Variants in MPZL1 observed in about 807,000 individuals in gnomAD.
MPZL1 encodes myelin protein zero like 1.
Under a neutral mutation model 29.3 loss-of-function variants are expected in MPZL1, and 16 were observed. The ratio of observed to expected loss-of-function variants is 0.55; its 90% CI spans 0.37 to 0.83. The LOEUF is 0.83. Among genes scored for constraint, MPZL1 ranks in the 40% least tolerant of loss-of-function variants. The probability of loss-of-function intolerance (pLI) is 0.00; values close to 1 mark genes in which losing one functional copy is unlikely to be tolerated. For missense variants in MPZL1, 279 were observed against 332.9 expected, an observed-to-expected ratio of 0.84 and a Z score of 1.26; for synonymous variants, 143 against 132.0, an observed-to-expected ratio of 1.08 and a Z score of -0.57.
chr1:167,739,310 C>CATATATATATATATATATAT (rs68082264), intron 1 of MPZL1, among the ~76,000 whole-genome samples: 2 of 101,360 alleles, frequency 2.0e-5, no homozygotes, highest in African/African-American at 1.0e-4. Flanking sequence ...TATATATATA[C>CATATATATATATATATATAT]ACATATATAT....
chr1:167,780,549 G>T (rs1174504951), intron 5 of MPZL1, among the ~76,000 whole-genome samples: 1 of 152,080 alleles, frequency 6.6e-6, no homozygotes, highest in Admixed American at 6.5e-5. Context: ...ATACACAATG[G>T]AATATTATTC....
intron 5 of MPZL1, among the ~76,000 whole-genome samples, chr1:167,785,755 G>A (rs1158460042): frequency 6.6e-6 from 1 of 152,162 alleles, no homozygotes; most frequent in Admixed American, 6.5e-5. Flanking sequence ...CTGTTACCAG[G>A]GAACAGTTAG....
chr1:167,777,647 T>G (rs554626877), intron 5 of MPZL1, among the ~76,000 whole-genome samples: 1 of 152,272 alleles, frequency 6.6e-6, no homozygotes, highest in Non-Finnish European at 1.5e-5. Context: ...CTTTGTCTGA[T>G]TACAGAGTTG....
chr1:167,739,280 T>TACATATATATATATATATATATATATAC, intron 1 of MPZL1, among the ~76,000 whole-genome samples: 1 of 92,522 alleles, frequency 1.1e-5, no homozygotes, highest in East Asian at 2.5e-4. Context: ...TATACATATA[T>TACATATATATATATATATATATATATAC]ACATATATAT....
intron 1 of MPZL1, among the ~76,000 whole-genome samples, chr1:167,758,771 C>T (rs57021150): frequency 0.014 from 2,150 of 152,156 alleles, 64 homozygotes; most frequent in African/African-American, 0.049. Context: ...TTTTAGAAAC[C>T]TTATTCTCCA....
chr1:167,782,022 T>C (rs1166344439), intron 5 of MPZL1, among the ~76,000 whole-genome samples: 8 of 152,284 alleles, frequency 5.3e-5, no homozygotes. Context: ...ATACTTTCTC[T>C]ATGCTCTAAG....
chr1:167,754,552 T>C (rs1268724206), intron 1 of MPZL1, among the ~76,000 whole-genome samples: 2 of 152,180 alleles, frequency 1.3e-5, no homozygotes, highest in African/African-American at 4.8e-5. Context: ...AGAAGCTGAG[T>C]AGAGCACTGC....
intron 1 of MPZL1, among the ~76,000 whole-genome samples, chr1:167,751,670 CAA>C (rs397970508): frequency 2.4e-4 from 17 of 72,116 alleles, no homozygotes; most frequent in Admixed American, 5.0e-4. Flanking sequence ...GACTCCATCT[CAA>C]AAAAAAAAAA....
intron 5 of MPZL1, among the ~76,000 whole-genome samples, chr1:167,786,176 T>C (rs1205745286): frequency 1.3e-5 from 2 of 152,218 alleles, no homozygotes; most frequent in African/African-American, 4.8e-5. Flanking sequence ...ATAGAGGGTC[T>C]GTATGATTAT....
rs551990019 is a variant in MPZL1, at chr1:167,787,757, G to A, written c.709-63G>A. 4.6e-4 allele frequency: 552 copies of A among 1,211,638 alleles called. 2 individuals are homozygous for A. The South Asian group carries it at 5.8e-3, about 13-fold the overall frequency. 75.1% of individuals were successfully genotyped at this position (1,211,638 alleles called of 1,614,324 possible). ...TGATCACGTTAATCATTGCTTCTAT[G>A]CCTGTAGCTGAAGGAACCGCCAGCG... On this transcript the variant is annotated intron_variant, in intron 5 of 5. Transcript: ENST00000359523.
chr1:167,731,709 A>G (rs938500845), intron 1 of MPZL1, among the ~76,000 whole-genome samples: 2 of 151,796 alleles, frequency 1.3e-5, no homozygotes, highest in Non-Finnish European at 2.9e-5. Flanking sequence ...AACTGCTGGG[A>G]TTACAGGCGT....
chr1:167,741,330 CTT>C lies in MPZL1; in HGVS notation c.91+19104_91+19105del, dbSNP rs57675541. ...AGTCACCACGTCTAGCCTGCAGTCA[CTT>C]TTTTTTTTTTTTTTTCCTGACAAGG... is the stretch of plus-strand genomic sequence containing the variant. On this transcript the variant is annotated intron_variant, in intron 1 of 5. Coordinates refer to ENST00000359523, the MANE Select transcript of MPZL1 (RefSeq NM_003953.6). Among the ~76,000 whole-genome samples the C allele has an allele frequency of 3.9e-4, 51 of 132,080 alleles. 1 individual carries two copies. Among genetic ancestry groups the C allele is most frequent in the South Asian group, 5.0e-4 (2 of 3,966 alleles). 86.6% of individuals were successfully genotyped at this position (132,080 alleles called of 152,430 possible).
At chr1:167,734,339 G>C (rs116098334) in intron 1 of MPZL1, among the ~76,000 whole-genome samples, 5 of 151,976 alleles carry the variant, frequency 3.3e-5, no homozygotes, top group Non-Finnish European at 7.4e-5. Flanking sequence ...GCCGAGGCAG[G>C]CCTGGCATTT....
At chr1:167,726,631 T>C (rs1660150682) in intron 1 of MPZL1, among the ~76,000 whole-genome samples, 1 of 152,258 alleles carries the variant, frequency 6.6e-6, no homozygotes, top group Non-Finnish European at 1.5e-5. Flanking sequence ...TGCTTATTTC[T>C]CATTATCAGT....
At chr1:167,772,218 G>A in intron 2 of MPZL1, 57 bp from the exon 3 acceptor site, 1 of 1,384,248 alleles carries the variant, frequency 7.2e-7, no homozygotes. Flanking sequence ...GCACATTACA[G>A]AGTTTAGGAA....
chr1:167,729,652 GAA>G (rs1660223704), intron 1 of MPZL1, among the ~76,000 whole-genome samples: 1 of 152,198 alleles, frequency 6.6e-6, no homozygotes, highest in Non-Finnish European at 1.5e-5. Context: ...AAAGAGAAGA[GAA>G]AGAGAGTGAG....
rs1057159487 is a variant in MPZL1 at position 167,733,389 on chromosome 1, A to G, written c.91+11147A>G. Among the ~76,000 whole-genome samples, 5 of 152,274 alleles carry G rather than the reference A, an allele frequency of 3.3e-5. No homozygotes were observed. The East Asian group carries it at 7.7e-4, about 24-fold the overall frequency. On this transcript the variant is annotated intron_variant, in intron 1 of 5. Transcript: ENST00000359523. ...CTAGGCTATAGATAAGAGTGTCACAAAGTTCTTTTAAAATGCTGGGACTCC... is the reference window on the plus strand; with the variant it reads ...CTAGGCTATAGATAAGAGTGTCACAGAGTTCTTTTAAAATGCTGGGACTCC...
intron 5 of MPZL1, among the ~76,000 whole-genome samples, chr1:167,779,988 G>A (rs986337654): frequency 1.3e-5 from 2 of 152,128 alleles, no homozygotes; most frequent in African/African-American, 2.4e-5. Flanking sequence ...ATGATAAAGC[G>A]ATCTACTTAC....
At chr1:167,765,030 G>A (rs1289433964) in intron 1 of MPZL1, 1 of 152,216 alleles carries the variant, frequency 6.6e-6, no homozygotes, top group Non-Finnish European at 1.5e-5. Context: ...GATGCTTAGG[G>A]AGTGAAACTA....
Sources: allele counts gnomAD v4.1 joint callset (sites outside exome capture counted in the v4.1 genomes callset), GRCh38; gene constraint gnomAD v4.1.1; transcripts MANE v1.5; gene names NCBI Gene and HGNC (gene_info 2026-07-23, HGNC 2026-07-21).